RB1CC1: variants seen among roughly 807,000 people sequenced by gnomAD.
The protein encoded by RB1CC1 is RB1 inducible coiled-coil 1.
RB1CC1 carries 46 observed loss-of-function variants against 177.5 expected under a neutral mutation model. That is an observed-to-expected ratio of 0.26 (90% CI 0.20 to 0.33). The LOEUF is 0.33. RB1CC1 is among the 10% of genes least tolerant of loss of function. The probability of loss-of-function intolerance (pLI) is 1.00; values close to 1 mark genes in which losing one functional copy is unlikely to be tolerated. For synonymous variants in RB1CC1, 666 were observed against 613.6 expected (o/e 1.09, Z -1.26); for missense variants, 1,703 against 1,816.3 (o/e 0.94, Z 1.13).
chr8:52,633,208 T>C (rs1165842926), intron 20 of RB1CC1, among the ~76,000 whole-genome samples: 1 of 152,202 alleles, frequency 6.6e-6, no homozygotes, highest in African/African-American at 2.4e-5. Context: ...GGCTGTGTCA[T>C]GAGCTCGTCC....
chr8:52,642,407 T>A lies in RB1CC1; in HGVS notation c.4281A>T (p.Glu1427Asp). 2 of 1,614,084 alleles carry A rather than the reference T, an allele frequency of 1.2e-6. No homozygotes were observed. Among genetic ancestry groups the A allele is most frequent in the East Asian group, 4.5e-5 (2 of 44,866 alleles). ...AATCCACTCTTCCTTCATCTGCTGTTTCCACAGCGGATCTATCTGATTCAC... is the reference window on the plus strand; with the variant it reads ...AATCCACTCTTCCTTCATCTGCTGTATCCACAGCGGATCTATCTGATTCAC... ...LPGESDRSAV[E>D]TADEGRVDSA... The change falls in exon 18 of 24, where the codon GAA becomes GAT. Residue 1427 changes from glutamate (E) to aspartate (D), a missense_variant. Around this residue, in one of 6 missense-constraint regions of RB1CC1, gnomAD observed 1,169 missense variants for 1,184.7 expected, o/e 0.99. Coordinates refer to ENST00000025008, the MANE Select transcript of RB1CC1 (RefSeq NM_014781.5).
At chr8:52,670,413 G>A (rs562610218) in intron 7 of RB1CC1, among the ~76,000 whole-genome samples, 1 of 152,106 alleles carries the variant, frequency 6.6e-6, no homozygotes, top group South Asian at 2.1e-4. Context: ...TGGGCTCTTT[G>A]GCATCTACAA....
At chr8:52,705,149 G>A (rs892139457) in intron 1 of RB1CC1, among the ~76,000 whole-genome samples, 5 of 152,044 alleles carry the variant, frequency 3.3e-5, no homozygotes, top group African/African-American at 1.2e-4. Context: ...TAACTCACAC[G>A]GTAGTTAACA....
chr8:52,654,324 A>G (rs542946591), intron 15 of RB1CC1, among the ~76,000 whole-genome samples: 16 of 152,332 alleles, frequency 1.1e-4, no homozygotes, highest in African/African-American at 3.8e-4. Context: ...AACATTTCCC[A>G]AAATCCCAGG....
At chr8:52,703,301 C>G (rs1252305798) in intron 1 of RB1CC1, among the ~76,000 whole-genome samples, 7 of 152,256 alleles carry the variant, frequency 4.6e-5, no homozygotes, top group Admixed American at 4.6e-4. Context: ...TATCTGAGCA[C>G]CTACTATCTG....
intron 7 of RB1CC1, among the ~76,000 whole-genome samples, chr8:52,671,839 A>T (rs993379449): frequency 5.3e-5 from 8 of 152,166 alleles, no homozygotes; most frequent in Admixed American, 2.0e-4. Context: ...AGCATCCAAT[A>T]GCTACTCCTC....
intron 1 of RB1CC1, among the ~76,000 whole-genome samples, chr8:52,688,053 A>T (rs1247240190): frequency 6.6e-6 from 1 of 152,230 alleles, no homozygotes; most frequent in Non-Finnish European, 1.5e-5. Flanking sequence ...TTAATCTCTT[A>T]ATCCTGTTAT....
At chr8:52,711,172 G>A (rs1857033373) in intron 1 of RB1CC1, among the ~76,000 whole-genome samples, 1 of 152,162 alleles carries the variant, frequency 6.6e-6, no homozygotes, top group Non-Finnish European at 1.5e-5. Context: ...AAACAGCCAT[G>A]AAAGCAGAAA....
intron 8 of RB1CC1, 97 bp from the exon 9 acceptor site, chr8:52,661,816 GT>G (rs1851659466): frequency 2.3e-6 from 2 of 863,920 alleles, no homozygotes; most frequent in Admixed American, 3.6e-5. Flanking sequence ...AACACAACCC[GT>G]TTTGTGCCTT....
intron 1 of RB1CC1, among the ~76,000 whole-genome samples, chr8:52,710,327 C>T (rs138102633): frequency 6.6e-5 from 10 of 152,250 alleles, no homozygotes; most frequent in Non-Finnish European, 1.0e-4. Flanking sequence ...GCAACTTCGC[C>T]AAAAGAATGA....
At chr8:52,672,789 T>C (rs1023098425) in intron 7 of RB1CC1, among the ~76,000 whole-genome samples, 3 of 152,122 alleles carry the variant, frequency 2.0e-5, no homozygotes, top group African/African-American at 7.2e-5. Context: ...CTGATCACAA[T>C]CATGTAAGCA....
At chr8:52,626,586 C>T (rs769794907) in intron 22 of RB1CC1, among the ~76,000 whole-genome samples, 40 of 151,844 alleles carry the variant, frequency 2.6e-4, no homozygotes, top group Non-Finnish European at 3.7e-4. Context: ...TTAATCTTTG[C>T]GACGTTTTCT....
intron 9 of RB1CC1, 104 bp from the exon 10 acceptor site, chr8:52,661,385 A>C: frequency 1.3e-6 from 2 of 1,483,290 alleles, no homozygotes; most frequent in Non-Finnish European, 1.8e-6. Flanking sequence ...AAATCAAGAT[A>C]TATAAGCTCT....
At chr8:52,647,988 C>G (rs998668992) in intron 15 of RB1CC1, among the ~76,000 whole-genome samples, 3 of 152,160 alleles carry the variant, frequency 2.0e-5, no homozygotes, top group Admixed American at 6.5e-5. Flanking sequence ...CATGCACAGG[C>G]AGTACTTATA....
intron 16 of RB1CC1, 21 bp from the exon 17 acceptor site, chr8:52,642,833 T>C (rs753193434): frequency 6.6e-6 from 10 of 1,506,014 alleles, no homozygotes; most frequent in Non-Finnish European, 8.8e-6. Flanking sequence ...AGAATAATTA[T>C]TTAAATTTAT....
At chr8:52,660,865 C>A in intron 11 of RB1CC1, 61 bp downstream of exon 11, 1 of 1,413,156 alleles carries the variant, frequency 7.1e-7, no homozygotes, top group Non-Finnish European at 9.7e-7. Flanking sequence ...TACAGAAAAT[C>A]CAAGCTTATA....
chr8:52,671,638 T>G (rs572133112), intron 7 of RB1CC1, among the ~76,000 whole-genome samples: 11 of 152,368 alleles, frequency 7.2e-5, no homozygotes, highest in Admixed American at 2.0e-4. Context: ...TCATATACTT[T>G]GTAAAATATA....
intron 6 of RB1CC1, 49 bp from the exon 7 acceptor site, chr8:52,674,323 A>C (rs1290362418): frequency 7.0e-7 from 1 of 1,435,818 alleles, no homozygotes; most frequent in Non-Finnish European, 9.7e-7. Flanking sequence ...TGCTCTAATT[A>C]GGAATTAGCA....
chr8:52,644,931 T>C (rs1320922012), intron 16 of RB1CC1, among the ~76,000 whole-genome samples: 1 of 152,210 alleles, frequency 6.6e-6, no homozygotes, highest in Non-Finnish European at 1.5e-5. Context: ...ATTCTAGCAG[T>C]AGCTACCAAA....
Sources: gnomAD v4.1 joint callset for allele counts (sites outside exome capture counted in the v4.1 genomes callset) on GRCh38, gnomAD v4.1.1 for gene constraint, gnomAD v4.1.1 regional missense constraint, MANE v1.5 for transcripts, NCBI Gene and HGNC (gene_info 2026-07-23, HGNC 2026-07-21) for gene names.